The following DOCK1 variants were observed in gnomAD, a reference collection of about 807,000 sequenced individuals.
DOCK1 encodes the protein dedicator of cytokinesis protein 1.
Under a neutral mutation model 262.7 loss-of-function variants are expected in DOCK1, and 138 were observed. The ratio of observed to expected loss-of-function variants is 0.53; its 90% CI spans 0.46 to 0.61. The LOEUF (loss-of-function observed/expected upper bound fraction) is 0.61, where lower values mean the gene tolerates loss of function less well. Among genes scored for constraint, DOCK1 ranks in the 20% least tolerant of loss-of-function variants. The pLI, the probability that DOCK1 is intolerant of heterozygous loss-of-function variation, is 0.00. For missense variants in DOCK1, 1,908 were observed against 2,370.7 expected (o/e 0.80, Z 4.05); for synonymous variants, 866 against 867.4 (o/e 1.00, Z 0.03).
chr10:127,277,819 A>G (rs1432134045), intron 29 of DOCK1, among the ~76,000 whole-genome samples: 1 of 152,190 alleles, frequency 6.6e-6, no homozygotes, highest in Admixed American at 6.5e-5. Context: ...AGATTTAGTG[A>G]GTCTTTTAAG....
intron 1 of DOCK1, among the ~76,000 whole-genome samples, chr10:126,963,149 C>T (rs952842388): frequency 2.6e-5 from 4 of 152,144 alleles, no homozygotes; most frequent in South Asian, 2.1e-4. Flanking sequence ...GTATTGAAAT[C>T]GGGCCTCCAA....
At chr10:127,408,159 C>T (rs554386376) in intron 40 of DOCK1, among the ~76,000 whole-genome samples, 9 of 152,122 alleles carry the variant, frequency 5.9e-5, no homozygotes, top group African/African-American at 9.7e-5. Flanking sequence ...AAGACAGCCT[C>T]GTGGAAGGAA....
At chr10:126,982,418 G>A (rs1034604543) in intron 4 of DOCK1, among the ~76,000 whole-genome samples, 5 of 152,128 alleles carry the variant, frequency 3.3e-5, no homozygotes, top group Non-Finnish European at 7.3e-5. Context: ...GTCTAATTGT[G>A]ATGTATGTTT....
intron 33 of DOCK1, among the ~76,000 whole-genome samples, chr10:127,368,807 A>G (rs943594258): frequency 6.6e-5 from 10 of 152,020 alleles, no homozygotes; most frequent in African/African-American, 2.4e-4. Context: ...TAAAAAGCAT[A>G]CTTTTAAATT....
At chr10:127,135,562 C>A (rs2483856) in intron 27 of DOCK1, 150,169 of 152,780 alleles carry the variant, frequency 0.98, 73,854 homozygotes, top group Middle Eastern at 1. Context: ...TTTGTATCAG[C>A]GTTTTTACTT....
At chr10:127,008,923 T>C (rs892541764) in intron 11 of DOCK1, 119 bp downstream of exon 11, 5 of 1,034,474 alleles carry the variant, frequency 4.8e-6, no homozygotes, top group Non-Finnish European at 6.9e-6. Flanking sequence ...TTTGTAATTA[T>C]GAAAAACCTC....
intron 25 of DOCK1, among the ~76,000 whole-genome samples, chr10:127,123,096 G>A (rs534720625): frequency 6.6e-6 from 1 of 152,202 alleles, no homozygotes; most frequent in Non-Finnish European, 1.5e-5. Flanking sequence ...CCTCCTTCCA[G>A]CCTGTACTGG....
intron 29 of DOCK1, among the ~76,000 whole-genome samples, chr10:127,269,736 G>T (rs1018251941): frequency 1.3e-5 from 2 of 152,164 alleles, no homozygotes; most frequent in East Asian, 3.9e-4. Flanking sequence ...GATTCAGGGG[G>T]GTTGAATGAG....
chr10:127,206,136 C>CTTTT (rs34450374), intron 27 of DOCK1, among the ~76,000 whole-genome samples: 863 of 78,754 alleles, frequency 0.011, 11 homozygotes, highest in Middle Eastern at 0.014. Context: ...TTCTTCTTCT[C>CTTTT]TTTTTTTTTT....
Position 127,042,784 on chromosome 10 carries a change from G to A in DOCK1, c.2100+70G>A. On this transcript the variant is annotated intron_variant, in intron 20 of 51. Coordinates refer to ENST00000623213, the MANE Select transcript of DOCK1 (RefSeq NM_001290223.2). ...TTCCATGCTGCAGCGTCTGAGGCTG[G>A]AGTCGGGGGCTTCGTCACAGTGACC... The A allele has an allele frequency of 2.0e-6, 3 of 1,518,664 alleles. No individual in the cohort carries two copies. The South Asian group carries it at 3.4e-5, about 17-fold the overall frequency. 94.1% of individuals were successfully genotyped at this position (1,518,664 alleles called of 1,614,324 possible).
chr10:127,128,395 T>C (rs2050105956), intron 27 of DOCK1, among the ~76,000 whole-genome samples: 1 of 150,814 alleles, frequency 6.6e-6, no homozygotes, highest in Non-Finnish European at 1.5e-5. Context: ...TTTTTTTCTT[T>C]AATTTCTGGG....
At chr10:127,373,930 GACT>G (rs2065345395) in intron 34 of DOCK1, 64 bp downstream of exon 34, 3 of 1,551,266 alleles carry the variant, frequency 1.9e-6, no homozygotes, top group South Asian at 2.4e-5. Context: ...ACCGTAATTA[GACT>G]ACAATGAACT....
chr10:126,998,051 A>G (rs755591444), intron 7 of DOCK1, 41 bp from the exon 8 acceptor site: 6 of 1,609,338 alleles, frequency 3.7e-6, no homozygotes, highest in Middle Eastern at 1.7e-4. Flanking sequence ...GTCAGTGATG[A>G]GTGTTGCTGG....
chr10:127,052,070 T>A lies in DOCK1; in HGVS notation c.2202-611T>A, dbSNP rs1174805229. ...TTTACCTGTGGAAGTCCTGGTTTCC[T>A]CATCCATTAAATAGGATAATACTGC... On this transcript the variant is annotated intron_variant, in intron 21 of 51. Coordinates refer to ENST00000623213, the MANE Select transcript of DOCK1 (RefSeq NM_001290223.2). 2.6e-5 allele frequency among the ~76,000 whole-genome samples: 4 copies of A among 152,364 alleles called. No homozygotes were observed. The East Asian group carries it at 7.7e-4, about 29-fold the overall frequency.
intron 27 of DOCK1, among the ~76,000 whole-genome samples, chr10:127,183,928 A>G (rs942252758): frequency 6.6e-6 from 1 of 152,092 alleles, no homozygotes. Flanking sequence ...GTGCATGATA[A>G]TAAGTAGCTA....
At chr10:127,294,547 C>A (rs1397825957) in intron 29 of DOCK1, among the ~76,000 whole-genome samples, 4 of 152,116 alleles carry the variant, frequency 2.6e-5, no homozygotes, top group Admixed American at 2.6e-4. Context: ...GTCTTGAACT[C>A]CTGACCTCAG....
At chr10:127,213,131 T>C (rs1470030572) in intron 27 of DOCK1, among the ~76,000 whole-genome samples, 1 of 152,202 alleles carries the variant, frequency 6.6e-6, no homozygotes, top group Non-Finnish European at 1.5e-5. Flanking sequence ...AAAGCTTTTA[T>C]ATGCATAGAT....
chr10:127,076,801 C>G (rs776872595), intron 23 of DOCK1, among the ~76,000 whole-genome samples: 5 of 152,188 alleles, frequency 3.3e-5, no homozygotes, highest in Non-Finnish European at 5.9e-5. Context: ...GTCATCTACC[C>G]CAGGGCCTGT....
intron 27 of DOCK1, among the ~76,000 whole-genome samples, chr10:127,234,290 T>C (rs1239230594): frequency 6.6e-6 from 1 of 152,040 alleles, no homozygotes; most frequent in African/African-American, 2.4e-5. Flanking sequence ...CTCTCCAAAG[T>C]GGGGGAAAAA....
Sources: gnomAD v4.1 joint callset for allele counts (sites outside exome capture counted in the v4.1 genomes callset) on GRCh38, gnomAD v4.1.1 for gene constraint, MANE v1.5 for transcripts, NCBI Gene and HGNC (gene_info 2026-07-23, HGNC 2026-07-21) for gene names.